Variants in REV3L observed in about 807,000 individuals in gnomAD.
REV3L encodes REV3 like, DNA directed polymerase zeta catalytic subunit.
REV3L carries 69 observed loss-of-function variants against 299.4 expected under a neutral mutation model. The observed-to-expected ratio is 0.23, with a 90% CI of 0.19 to 0.28. REV3L has a LOEUF of 0.28. Among genes scored for constraint, REV3L ranks in the 10% least tolerant of loss-of-function variants. The pLI is 1.00. For synonymous variants in REV3L, 1,238 were observed against 1,271.4 expected (o/e 0.97, Z 0.56); for missense variants, 3,128 against 3,693.8 (o/e 0.85, Z 3.97).
At chr6:111,444,090 A>G (rs968338114) in intron 1 of REV3L, among the ~76,000 whole-genome samples, 2 of 152,358 alleles carry the variant, frequency 1.3e-5, no homozygotes, top group South Asian at 2.1e-4. Flanking sequence ...GGTAACTGAC[A>G]TGGAAATGTA....
chr6:111,457,613 T>G (rs1790296306), intron 1 of REV3L, among the ~76,000 whole-genome samples: 1 of 151,602 alleles, frequency 6.6e-6, no homozygotes, highest in African/African-American at 2.4e-5. Flanking sequence ...ACCATTATCA[T>G]CAAGGTAATC....
In REV3L at chr6:111,462,106, T is replaced by C. The variant is rs148484146; in HGVS notation, c.139+20644A>G. 1.2e-4 allele frequency among the ~76,000 whole-genome samples: 18 copies of C among 152,252 alleles called. 1 individual carries two copies. In the East Asian group the frequency reaches 3.5e-3, roughly 29 times the overall value. ...AAAAAACAAAAACAGAAAAAATATG[T>C]TGGGAGACAATTCTCCATGGGTCTC... is the stretch of plus-strand genomic sequence containing the variant. On this transcript the variant is annotated intron_variant, in intron 1 of 31. Coordinates refer to ENST00000368802, the MANE Select transcript of REV3L (RefSeq NM_001372078.1).
chr6:111,411,972 C>T (rs1784295418), intron 2 of REV3L: 1 of 985,144 alleles, frequency 1.0e-6, no homozygotes, highest in Admixed American at 6.2e-5. Context: ...ACCTTTCAGC[C>T]GCCTTCTTCT....
intron 13 of REV3L, among the ~76,000 whole-genome samples, chr6:111,370,851 T>C (rs1360441499): frequency 6.6e-6 from 1 of 152,200 alleles, no homozygotes. Context: ...TTACAATCGA[T>C]GAACCTATGT....
At position 111,372,780 on chromosome 6, in the gene REV3L, T is replaced by C. The variant is rs1779928487; in HGVS notation, c.5575A>G (p.Thr1859Ala). 2 of 1,612,954 alleles carry C rather than the reference T, an allele frequency of 1.2e-6. No homozygotes were observed. The highest frequency in any genetic ancestry group is 1.1e-5 in the South Asian group (1 of 90,748). ...TTTTTAGATTGTGAAGGAGAGCTAG[T>C]AGATCTTGGTGAACTATCAGGAGTT... ...TPTPDSSPRS[T>A]SSPSQSKNGS... The change falls in exon 13 of 32, where the codon ACT becomes GCT. Residue 1859 changes from threonine to alanine, a missense_variant. Around this residue, in one of 9 missense-constraint regions of REV3L, gnomAD observed 2,409 missense variants for 2,611.8 expected, o/e 0.92. Coordinates refer to ENST00000368802, the MANE Select transcript of REV3L (RefSeq NM_001372078.1).
intron 3 of REV3L, among the ~76,000 whole-genome samples, chr6:111,408,697 T>C (rs761328245): frequency 6.6e-6 from 1 of 152,204 alleles, no homozygotes; most frequent in Non-Finnish European, 1.5e-5. Flanking sequence ...ATGTGGTTTA[T>C]ATCTACTGAT....
intron 20 of REV3L, 156 bp downstream of exon 20, chr6:111,349,062 C>T: frequency 4.2e-6 from 2 of 479,658 alleles, no homozygotes; most frequent in Non-Finnish European, 7.3e-6. Flanking sequence ...TGTAGTTTTG[C>T]ATTTTAGAAA....
At chr6:111,339,162 AAAAG>A (rs1776237080) in intron 21 of REV3L, among the ~76,000 whole-genome samples, 1 of 152,164 alleles carries the variant, frequency 6.6e-6, no homozygotes, top group South Asian at 2.1e-4. Context: ...CTCTATCCTG[AAAAG>A]AAAGACGTAC....
rs577405445 is a variant in REV3L at position 111,448,198 on chromosome 6, T to A, written c.140-31726A>T. On this transcript the variant is annotated intron_variant, in intron 1 of 31. Transcript: ENST00000368802. ...CAGGCAAGTGAGAGCCAAAGGCAAATGGGAAGAACTGTGTGGAAACTGGTC... is the reference window on the plus strand; with the variant it reads ...CAGGCAAGTGAGAGCCAAAGGCAAAAGGGAAGAACTGTGTGGAAACTGGTC... Among the ~76,000 whole-genome samples, 4 of 152,156 alleles carry A rather than the reference T, an allele frequency of 2.6e-5. No individual in the cohort carries two copies. In the South Asian group the frequency reaches 8.3e-4, roughly 32 times the overall value.
intron 25 of REV3L, 89 bp from the exon 26 acceptor site, chr6:111,322,767 A>G (rs1214841570): frequency 1.1e-6 from 1 of 874,688 alleles, no homozygotes; most frequent in East Asian, 2.6e-5. Flanking sequence ...TAATTACTAA[A>G]TATTTCCAGA....
At chr6:111,422,443 T>C (rs1192926268) in intron 1 of REV3L, among the ~76,000 whole-genome samples, 2 of 151,472 alleles carry the variant, frequency 1.3e-5, no homozygotes, top group Non-Finnish European at 3.0e-5. Flanking sequence ...TTTAAGTGTA[T>C]TTCCTAGTAT....
chr6:111,341,812 C>T (rs942683287), intron 21 of REV3L, among the ~76,000 whole-genome samples: 6 of 151,986 alleles, frequency 3.9e-5, no homozygotes, highest in South Asian at 4.2e-4. Flanking sequence ...AAGGCTGTCC[C>T]GAAAACGAAC....
chr6:111,415,167 A>C (rs1395766674), intron 2 of REV3L, among the ~76,000 whole-genome samples: 1 of 152,212 alleles, frequency 6.6e-6, no homozygotes, highest in Non-Finnish European at 1.5e-5. Flanking sequence ...AATCATCAGA[A>C]AGGCTTTATT....
At chr6:111,320,850 T>C (rs1481579842) in intron 26 of REV3L, among the ~76,000 whole-genome samples, 1 of 151,936 alleles carries the variant, frequency 6.6e-6, no homozygotes, top group Non-Finnish European at 1.5e-5. Flanking sequence ...GGGTTGCACT[T>C]TGTTGCCCAA....
intron 2 of REV3L, among the ~76,000 whole-genome samples, chr6:111,414,780 T>C (rs1784585411): frequency 6.6e-6 from 1 of 152,130 alleles, no homozygotes; most frequent in East Asian, 1.9e-4. Context: ...GATTCCTCTC[T>C]CACAATCCTT....
intron 19 of REV3L, among the ~76,000 whole-genome samples, chr6:111,349,563 T>G (rs569144345): frequency 5.9e-5 from 9 of 152,220 alleles, no homozygotes; most frequent in African/African-American, 1.9e-4. Context: ...TGGTAATTTT[T>G]GGCACTACCT....
chr6:111,378,013 T>C (rs531675759), intron 11 of REV3L, among the ~76,000 whole-genome samples, 170 bp from the exon 12 acceptor site: 1 of 152,324 alleles, frequency 6.6e-6, no homozygotes, highest in East Asian at 1.9e-4. Flanking sequence ...TTGTAACTTC[T>C]AGAAAAGCAT....
chr6:111,472,708 A>G (rs1196127555), intron 1 of REV3L, among the ~76,000 whole-genome samples: 1 of 152,208 alleles, frequency 6.6e-6, no homozygotes, highest in African/African-American at 2.4e-5. Flanking sequence ...ATTAAACAAC[A>G]AAGTATTTTT....
chr6:111,346,268 G>A (rs1226476718), intron 20 of REV3L, among the ~76,000 whole-genome samples: 1 of 152,116 alleles, frequency 6.6e-6, no homozygotes, highest in Non-Finnish European at 1.5e-5. Flanking sequence ...AGATTGACTT[G>A]ACATCCAGAA....
Sources: gnomAD v4.1 joint callset for allele counts (sites outside exome capture counted in the v4.1 genomes callset) on GRCh38, gnomAD v4.1.1 for gene constraint, gnomAD v4.1.1 regional missense constraint, MANE v1.5 for transcripts, NCBI Gene and HGNC (gene_info 2026-07-23, HGNC 2026-07-21) for gene names.